LARGE1: variants seen among roughly 807,000 people sequenced by gnomAD.
LARGE1 encodes the protein xylosyl- and glucuronyltransferase LARGE1.
In LARGE1, 43 loss-of-function variants were observed where a neutral mutation model predicts 87.6. The ratio of observed to expected loss-of-function variants is 0.49; its 90% confidence interval spans 0.38 to 0.63. The LOEUF (loss-of-function observed/expected upper bound fraction) is 0.63. LARGE1 is among the 30% of genes least tolerant of loss of function. LARGE1 has a pLI of 0.00. For synonymous variants in LARGE1, 434 were observed against 394.6 expected (o/e 1.10, Z -1.18); for missense variants, 802 against 1,000.2 (o/e 0.80, Z 2.67).
At chr22:33,895,964 T>C (rs192766010) in intron 1 of LARGE1, among the ~76,000 whole-genome samples, 5 of 152,250 alleles carry the variant, frequency 3.3e-5, no homozygotes, top group Non-Finnish European at 5.9e-5. Flanking sequence ...TTACCCATTT[T>C]TAAGGGAACA....
At chr22:33,632,176 G>A (rs1413123852) in intron 3 of LARGE1, among the ~76,000 whole-genome samples, 1 of 152,192 alleles carries the variant, frequency 6.6e-6, no homozygotes, top group East Asian at 1.9e-4. Context: ...AGGCTGGAAT[G>A]CAGTGGTATG....
intron 2 of LARGE1, among the ~76,000 whole-genome samples, chr22:33,672,129 AAAG>A (rs928088336): frequency 7.9e-5 from 12 of 152,284 alleles, no homozygotes; most frequent in South Asian, 2.1e-4. Flanking sequence ...TGGGTTTTAG[AAAG>A]AAGAAGACCT....
chr22:33,451,914 G>A (rs2067947989), intron 6 of LARGE1, among the ~76,000 whole-genome samples: 1 of 152,120 alleles, frequency 6.6e-6, no homozygotes, highest in South Asian at 2.1e-4. Context: ...ACTTATCAGT[G>A]ACAACATACA....
chr22:33,315,403 T>C (rs778659355), intron 11 of LARGE1, among the ~76,000 whole-genome samples: 4 of 152,206 alleles, frequency 2.6e-5, no homozygotes, highest in Admixed American at 1.3e-4. Flanking sequence ...GATGGATGTT[T>C]GCTTCATCAA....
intron 6 of LARGE1, among the ~76,000 whole-genome samples, chr22:33,521,851 T>C (rs1224543953): frequency 2.0e-5 from 3 of 152,202 alleles, no homozygotes; most frequent in Non-Finnish European, 2.9e-5. Context: ...AGGTTTATTT[T>C]GGCTCATAGC....
intron 6 of LARGE1, among the ~76,000 whole-genome samples, chr22:33,544,009 T>C (rs888222430): frequency 3.3e-5 from 5 of 152,366 alleles, no homozygotes; most frequent in Admixed American, 2.6e-4. Context: ...TCCTAGAGAA[T>C]GTCCACATAA....
intron 2 of LARGE1, among the ~76,000 whole-genome samples, chr22:33,722,938 AG>A (rs1389866014): frequency 4.6e-5 from 7 of 152,112 alleles, no homozygotes; most frequent in Non-Finnish European, 1.0e-4. Flanking sequence ...GACGTTGTAA[AG>A]GGAAATTAGA....
intron 11 of LARGE1, among the ~76,000 whole-genome samples, chr22:33,211,574 C>T (rs1924962038): frequency 6.6e-6 from 1 of 152,062 alleles, no homozygotes; most frequent in South Asian, 2.1e-4. Context: ...GAGTCCGAGA[C>T]CAGCCTGGCT....
chr22:33,344,700 C>T (rs1456019460), intron 9 of LARGE1, among the ~76,000 whole-genome samples: 2 of 151,912 alleles, frequency 1.3e-5, no homozygotes, highest in African/African-American at 2.4e-5. Flanking sequence ...ACGTCTTGGT[C>T]CCTTGAGGGA....
At chr22:33,727,075 A>G (rs1452147045) in intron 2 of LARGE1, among the ~76,000 whole-genome samples, 1 of 152,188 alleles carries the variant, frequency 6.6e-6, no homozygotes, top group Non-Finnish European at 1.5e-5. Flanking sequence ...CAGCAGAAAC[A>G]AGGCTCCCTG....
At chr22:33,894,247 A>C (rs1005680) in intron 1 of LARGE1, among the ~76,000 whole-genome samples, 66,473 of 151,954 alleles carry the variant, frequency 0.44, 16,687 homozygotes, top group East Asian at 0.99. Context: ...GCCTATGCAG[A>C]TCACCTGTGG....
intron 4 of LARGE1, among the ~76,000 whole-genome samples, chr22:33,613,556 G>A (rs2079501227): frequency 6.6e-6 from 1 of 152,100 alleles, no homozygotes; most frequent in Non-Finnish European, 1.5e-5. Flanking sequence ...GCAATGGCGC[G>A]ATCTTGGCTC....
At chr22:33,121,647 G>C in the LARGE1 span, among the ~76,000 whole-genome samples, 2 of 152,132 alleles carry the variant, frequency 1.3e-5, no homozygotes, top group African/African-American at 2.4e-5. Flanking sequence ...TTCACCCTTT[G>C]GGCAGAAATT....
chr22:33,195,176 C>T (rs8136990), intron 11 of LARGE1, among the ~76,000 whole-genome samples: 18,593 of 152,164 alleles, frequency 0.12, 1,283 homozygotes, highest in South Asian at 0.23. Context: ...AAATACCCTT[C>T]TTTCAAACAG....
intron 6 of LARGE1, among the ~76,000 whole-genome samples, chr22:33,526,992 C>T (rs909505512): frequency 6.6e-6 from 1 of 152,254 alleles, no homozygotes; most frequent in African/African-American, 2.4e-5. Flanking sequence ...TGCAGTGGCA[C>T]ACGCCTGTAA....
At chr22:33,750,092 A>G (rs1398198549) in intron 2 of LARGE1, among the ~76,000 whole-genome samples, 1 of 152,192 alleles carries the variant, frequency 6.6e-6, no homozygotes, top group African/African-American at 2.4e-5. Context: ...GTGGAAACTC[A>G]AAGTCTAAAT....
intron 6 of LARGE1, among the ~76,000 whole-genome samples, chr22:33,455,390 T>C (rs2068091089): frequency 1.3e-5 from 2 of 152,204 alleles, no homozygotes; most frequent in Non-Finnish European, 2.9e-5. Context: ...TATGTACATC[T>C]ATTAATTAGC....
chr22:33,810,974 G>A (rs1038243219), intron 1 of LARGE1, among the ~76,000 whole-genome samples: 4 of 152,046 alleles, frequency 2.6e-5, no homozygotes, highest in Non-Finnish European at 5.9e-5. Flanking sequence ...TACCCGCCTC[G>A]GCTTCCCAAA....
intron 6 of LARGE1, among the ~76,000 whole-genome samples, chr22:33,434,324 C>T (rs1012789674): frequency 3.3e-5 from 5 of 152,128 alleles, no homozygotes; most frequent in South Asian, 2.1e-4. Flanking sequence ...GTTTTTGAGA[C>T]GTAGTCTCGC....
Sources: allele counts gnomAD v4.1 joint callset (sites outside exome capture counted in the v4.1 genomes callset), GRCh38; gene constraint gnomAD v4.1.1; transcripts MANE v1.5; gene names NCBI Gene and HGNC (gene_info 2026-07-23, HGNC 2026-07-21).